Variants in TRANK1 observed in about 807,000 individuals in gnomAD.
TRANK1 encodes the protein tetratricopeptide repeat and ankyrin repeat containing 1.
A neutral mutation model predicts 266.0 loss-of-function variants in TRANK1; 198 were observed. The observed-to-expected ratio is 0.74, with a 90% confidence interval of 0.66 to 0.84. The LOEUF is 0.84. TRANK1 is among the 40% of genes least tolerant of loss of function. The pLI, the probability that TRANK1 is intolerant of heterozygous loss-of-function variation, is 0.00. For synonymous variants in TRANK1, 1,396 were observed against 1,384.1 expected (o/e 1.01, Z -0.19); for missense variants, 3,326 against 3,634.6 (o/e 0.92, Z 2.18).
intron 20 of TRANK1, among the ~76,000 whole-genome samples, chr3:36,837,119 T>C (rs1400037923): frequency 1.3e-5 from 2 of 152,224 alleles, no homozygotes; most frequent in Non-Finnish European, 2.9e-5. Context: ...TTCTGGATCC[T>C]CAGGATCCAT....
In TRANK1 at chr3:36,913,243, G is replaced by T. The variant is rs7620054; in HGVS notation, c.24-4789C>A. Among the ~76,000 whole-genome samples the T allele has an allele frequency of 8.8e-3, 1,340 of 152,150 alleles. 24 individuals are homozygous for T. The highest frequency in any genetic ancestry group is 0.031 in the African/African-American group (1,280 of 41,504). Reference sequence around the variant, plus strand: ...ACTTTCTATATTTAGTAGAAATAGGGTTTCCCCATGTTGGCCAGACTGGTC... The same window carrying T: ...ACTTTCTATATTTAGTAGAAATAGGTTTTCCCCATGTTGGCCAGACTGGTC... On this transcript the variant is annotated intron_variant, in intron 1 of 23. Coordinates refer to ENST00000645898, the MANE Select transcript of TRANK1 (RefSeq NM_001329998.2).
At position 36,832,625 on chromosome 3, in the gene TRANK1, C is replaced by T. The variant is rs375988514; in HGVS notation, c.6958G>A (p.Ala2320Thr). The T allele has an allele frequency of 1.4e-5, 22 of 1,613,812 alleles. No homozygotes were observed. Among genetic ancestry groups the T allele is most frequent in the Admixed American group, 1.3e-4 (8 of 59,992 alleles). ...TCTGTGGATTCCCGGCGGTTGCGTGCGCTTTCATTTTCAAACAGAAAGTGG... is the reference window on the plus strand; with the variant it reads ...TCTGTGGATTCCCGGCGGTTGCGTGTGCTTTCATTTTCAAACAGAAAGTGG... The part of the protein sequence containing the change: ...YIHFLFENES[A>T]RNRRESTDLW... The change falls in exon 22 of 24, where the codon GCA (alanine) becomes ACA (threonine). Residue 2320 changes from alanine (A) to threonine (T), a missense_variant. Coordinates refer to ENST00000645898, the MANE Select transcript of TRANK1 (RefSeq NM_001329998.2).
intron 10 of TRANK1, among the ~76,000 whole-genome samples, chr3:36,863,544 A>G (rs1185256373): frequency 6.6e-6 from 1 of 152,250 alleles, no homozygotes; most frequent in East Asian, 1.9e-4. Context: ...ACCTAGCCTC[A>G]TCGCAACCCA....
intron 9 of TRANK1, among the ~76,000 whole-genome samples, chr3:36,871,295 G>A (rs1250584443): frequency 6.6e-6 from 1 of 152,172 alleles, no homozygotes; most frequent in African/African-American, 2.4e-5. Context: ...GGCTGAGGCA[G>A]GAGAAACGCT....
At chr3:36,924,763 C>A (rs975771474) in intron 1 of TRANK1, among the ~76,000 whole-genome samples, 1 of 152,172 alleles carries the variant, frequency 6.6e-6, no homozygotes, top group Non-Finnish European at 1.5e-5. Flanking sequence ...AGGCAAAGCA[C>A]CTCAACTGAA....
intron 1 of TRANK1, among the ~76,000 whole-genome samples, chr3:36,934,810 G>A (rs2080402761): frequency 6.6e-6 from 1 of 152,180 alleles, no homozygotes; most frequent in South Asian, 2.1e-4. Context: ...AAGACACACA[G>A]TCAGCTGTTC....
chr3:36,839,732 A>G (rs1176331711), intron 18 of TRANK1, among the ~76,000 whole-genome samples: 1 of 152,346 alleles, frequency 6.6e-6, no homozygotes, highest in East Asian at 1.9e-4. Context: ...CACCTGCAAC[A>G]GCTGCAGCTG....
chr3:36,899,701 G>A (rs1054159998), intron 3 of TRANK1, among the ~76,000 whole-genome samples: 2 of 152,058 alleles, frequency 1.3e-5, no homozygotes, highest in Non-Finnish European at 2.9e-5. Context: ...CTGGATACAG[G>A]GTTTCCACAT....
intron 8 of TRANK1, among the ~76,000 whole-genome samples, chr3:36,875,753 C>G (rs1426532325): frequency 6.6e-6 from 1 of 152,224 alleles, no homozygotes; most frequent in Non-Finnish European, 1.5e-5. Context: ...AATCCATCCC[C>G]TACCTACTTC....
intron 1 of TRANK1, among the ~76,000 whole-genome samples, chr3:36,935,005 C>G (rs140436697): frequency 1.3e-5 from 2 of 152,332 alleles, no homozygotes; most frequent in Admixed American, 6.5e-5. Flanking sequence ...CTCTTCACCA[C>G]AATCTGTAAG....
chr3:36,927,858 G>A (rs936776302), intron 1 of TRANK1, among the ~76,000 whole-genome samples: 64 of 152,322 alleles, frequency 4.2e-4, no homozygotes, highest in African/African-American at 1.5e-3. Context: ...GAGTGCCCCA[G>A]GAGTTGGGTA....
rs866921564 is a variant in TRANK1 at position 36,879,778 on chromosome 3, A to G, written c.908-5482T>C. ...TATATATAAATATATATAAATATAT[A>G]TAAATATGTAAATATATAAATATAC... On this transcript the variant is annotated intron_variant, in intron 8 of 23. Coordinates refer to ENST00000645898, the MANE Select transcript of TRANK1 (RefSeq NM_001329998.2). Among the ~76,000 whole-genome samples, 131 of 77,028 alleles carry G rather than the reference A, an allele frequency of 1.7e-3. 24 individuals carry two copies. The highest frequency in any genetic ancestry group is 2.1e-3 in the Admixed American group (14 of 6,530). 50.5% of individuals were successfully genotyped at this position (77,028 alleles called of 152,430 possible).
At chr3:36,839,536 T>C (rs1040857515) in intron 18 of TRANK1, among the ~76,000 whole-genome samples, 2 of 152,328 alleles carry the variant, frequency 1.3e-5, no homozygotes, top group Middle Eastern at 3.4e-3. Context: ...TGCCATTTCC[T>C]TCCCATTGCA....
At chr3:36,942,381 A>T (rs544139132) in intron 1 of TRANK1, among the ~76,000 whole-genome samples, 1 of 146,706 alleles carries the variant, frequency 6.8e-6, no homozygotes, top group South Asian at 2.3e-4. Flanking sequence ...CCAGCTCTTG[A>T]TTGCAGCTGT....
intron 9 of TRANK1, among the ~76,000 whole-genome samples, chr3:36,871,717 G>T (rs2079312820): frequency 6.6e-6 from 1 of 152,094 alleles, no homozygotes; most frequent in African/African-American, 2.4e-5. Context: ...CTCTCTCCTT[G>T]TTCTCACAGT....
In TRANK1 at chr3:36,831,189, T is replaced by G; in HGVS notation, c.8394A>C (p.Ala2798=). Residue 2798 remains alanine, a synonymous_variant, in exon 22 of 24, where the codon GCA becomes GCC. Transcript: ENST00000645898. The surrounding 1 kb of genome is among the most constrained non-coding windows in gnomAD (Gnocchi z 5.0). ...TTTCCAGCTCAGCCCTGGAAAGGAC[T>G]GCCACCTCGGAAGCTGCCCCCTCAA... ...KAFEGAASEV[A]VLSRAELERE... is the part of the protein sequence containing the mutation. 6.2e-7 allele frequency: 1 copy of G among 1,614,006 alleles called. No individual in the cohort carries two copies. The highest frequency in any genetic ancestry group is 1.3e-5 in the African/African-American group (1 of 75,046).
intron 1 of TRANK1, among the ~76,000 whole-genome samples, chr3:36,923,340 C>G (rs1333033116): frequency 6.6e-6 from 1 of 151,300 alleles, no homozygotes; most frequent in Non-Finnish European, 1.5e-5. Context: ...ACTGCAACCT[C>G]CAACTCCCAG....
At chr3:36,943,345 A>G (rs567520121) in intron 1 of TRANK1, among the ~76,000 whole-genome samples, 5 of 152,236 alleles carry the variant, frequency 3.3e-5, no homozygotes, top group Admixed American at 6.5e-5. Context: ...TATTATGCAT[A>G]TATACATTAT....
intron 9 of TRANK1, among the ~76,000 whole-genome samples, chr3:36,872,214 A>G (rs2079319972): frequency 6.6e-6 from 1 of 152,216 alleles, no homozygotes; most frequent in Non-Finnish European, 1.5e-5. Flanking sequence ...CAGCCTGGCC[A>G]ACATGATGAA....
Sources: gnomAD v4.1 joint callset for allele counts (sites outside exome capture counted in the v4.1 genomes callset) on GRCh38, gnomAD v4.1.1 for gene constraint, Gnocchi (gnomAD v3.1) non-coding constraint, MANE v1.5 for transcripts, NCBI Gene and HGNC (gene_info 2026-07-23, HGNC 2026-07-21) for gene names.